Variants in TUT4 observed in about 807,000 individuals in gnomAD.
The protein encoded by TUT4 is terminal uridylyltransferase 4.
In TUT4, 36 loss-of-function variants were observed where a neutral mutation model predicts 192.2. The observed-to-expected ratio is 0.19, with a 90% CI of 0.14 to 0.25. The LOEUF (loss-of-function observed/expected upper bound fraction) is 0.25. Ranked by LOEUF, TUT4 falls within the 10% of genes least tolerant of loss-of-function variation. TUT4 has a pLI of 1.00. For synonymous variants in TUT4, 618 were observed against 666.0 expected, an observed-to-expected ratio of 0.93 and a Z score of 1.11; for missense variants, 1,493 against 1,957.2, an observed-to-expected ratio of 0.76 and a Z score of 4.47.
At chr1:52,456,295 C>T (rs1660910885) in intron 20 of TUT4, among the ~76,000 whole-genome samples, 1 of 150,846 alleles carries the variant, frequency 6.6e-6, no homozygotes, top group Admixed American at 6.6e-5. Context: ...CCCAGCTACT[C>T]AGGAGGCTTA....
chr1:52,433,726 T>C (rs775149525), intron 27 of TUT4: 13 of 152,206 alleles, frequency 8.5e-5, no homozygotes, highest in Non-Finnish European at 1.8e-4. Flanking sequence ...CAAGTGTCTA[T>C]TGACCTCAGG....
intron 9 of TUT4, 76 bp downstream of exon 9, chr1:52,488,833 A>C: frequency 6.9e-7 from 1 of 1,445,352 alleles, no homozygotes; most frequent in South Asian, 1.5e-5. Context: ...TCAGTACAAG[A>C]AAAGGCCTAA....
intron 4 of TUT4, among the ~76,000 whole-genome samples, chr1:52,507,681 C>T (rs974593170): frequency 2.0e-5 from 3 of 152,158 alleles, no homozygotes; most frequent in Admixed American, 1.3e-4. Context: ...AGAACACCAA[C>T]ATGATGCTCA....
chr1:52,511,710 G>A (rs1204421017), intron 3 of TUT4, among the ~76,000 whole-genome samples: 1 of 152,162 alleles, frequency 6.6e-6, no homozygotes, highest in Admixed American at 6.5e-5. Flanking sequence ...CTACAAAAAA[G>A]TTAGCATAAC....
Position 52,488,695 on chromosome 1 carries a change from C to A in TUT4, c.1515+214G>T, listed in dbSNP as rs539284382. On this transcript the variant is annotated intron_variant, in intron 9 of 29. Transcript: ENST00000257177. ...GAATATAGCATGACAATTAAAAATT[C>A]TAAAATATATCCATAAGTGTGTCTA... Among the ~76,000 whole-genome samples the A allele has an allele frequency of 2.0e-5, 3 of 152,218 alleles. No individual in the cohort carries two copies. In the South Asian group the frequency reaches 6.2e-4, roughly 32 times the overall value.
rs533009514 is a variant in TUT4, at chr1:52,516,311, G to A, written c.719-257C>T. 3.9e-5 allele frequency among the ~76,000 whole-genome samples: 6 copies of A among 152,158 alleles called. No homozygotes were observed. In the South Asian group the frequency reaches 8.3e-4, roughly 21 times the overall value. On this transcript the variant is annotated intron_variant, in intron 2 of 29. Transcript: ENST00000257177. The stretch of plus-strand genomic sequence containing the variant: ...TCTATCCATCAAGAGATACATAACT[G>A]AGACTTACATTACACAAAGCTAATT...
chr1:52,455,672 A>G (rs1570477019), intron 20 of TUT4, among the ~76,000 whole-genome samples: 16 of 116,524 alleles, frequency 1.4e-4, no homozygotes, highest in South Asian at 7.0e-4. Flanking sequence ...GGAGGGGGGG[A>G]GAGGGAAGGA....
At chr1:52,478,169 C>T (rs946075423) in intron 11 of TUT4, among the ~76,000 whole-genome samples, 3 of 152,034 alleles carry the variant, frequency 2.0e-5, no homozygotes, top group African/African-American at 7.3e-5. Flanking sequence ...CCACACCAAC[C>T]CCACCTTCTA....
intron 24 of TUT4, among the ~76,000 whole-genome samples, chr1:52,438,570 T>C (rs1019793426): frequency 6.6e-6 from 1 of 152,190 alleles, no homozygotes; most frequent in Non-Finnish European, 1.5e-5. Flanking sequence ...ATGCTACAGA[T>C]GAATAAGAAA....
At chr1:52,454,442 T>A (rs978427680) in intron 20 of TUT4, among the ~76,000 whole-genome samples, 1 of 152,214 alleles carries the variant, frequency 6.6e-6, no homozygotes, top group Admixed American at 6.5e-5. Flanking sequence ...AGTCAACTGA[T>A]CCTTGACAAA....
At chr1:52,520,628 C>A (rs1360329536) in intron 2 of TUT4, among the ~76,000 whole-genome samples, 1 of 152,166 alleles carries the variant, frequency 6.6e-6, no homozygotes, top group African/African-American at 2.4e-5. Context: ...CTCAAATATT[C>A]ACCTGGCTGG....
At position 52,436,796 on chromosome 1, in the gene TUT4, G is replaced by A; in HGVS notation, c.4121C>T (p.Pro1374Leu). The change falls in exon 26 of 30, where the codon CCA becomes CTA. Residue 1374 changes from proline (P) to leucine (L), a missense_variant. Pro to Leu is a moderately conservative substitution (Grantham distance 98, BLOSUM62 -3). This residue lies in a region of TUT4 where 351 missense variants were observed against 397.8 expected (regional missense o/e 0.88). Coordinates refer to ENST00000257177, the MANE Select transcript of TUT4 (RefSeq NM_001009881.3). ...CCTCTGACGGGCCAGCTTGACCTCT[G>A]GGCACTCCCTTCGTACATGTCCAGC... ...GDAGHVRREC[P>L]EVKLARQRNS... The A allele has an allele frequency of 6.2e-7, 1 of 1,613,450 alleles. No homozygotes were observed. Among genetic ancestry groups the A allele is most frequent in the Non-Finnish European group, 8.5e-7 (1 of 1,179,998 alleles).
intron 3 of TUT4, among the ~76,000 whole-genome samples, chr1:52,513,420 A>G (rs1677831412): frequency 6.9e-6 from 1 of 144,390 alleles, no homozygotes; most frequent in South Asian, 2.1e-4. Context: ...AAAAAGTACA[A>G]TGAATTGTAC....
At chr1:52,460,734 T>C (rs1027173470) in intron 19 of TUT4, among the ~76,000 whole-genome samples, 3 of 152,092 alleles carry the variant, frequency 2.0e-5, no homozygotes, top group African/African-American at 7.2e-5. Flanking sequence ...TCATAACAAG[T>C]GTTATAATAG....
intron 1 of TUT4, chr1:52,535,206 G>A (rs1684580736): frequency 6.6e-6 from 1 of 151,654 alleles, no homozygotes; most frequent in African/African-American, 2.4e-5. Flanking sequence ...CATCTTTTCT[G>A]TTCTCTTTCT....
At chr1:52,516,823 G>A (rs2149373681) in intron 2 of TUT4, among the ~76,000 whole-genome samples, 1 of 152,238 alleles carries the variant, frequency 6.6e-6, no homozygotes. Flanking sequence ...ATAATTCCAA[G>A]TTGTAATAAA....
chr1:52,492,394 T>C (rs1164853236), intron 7 of TUT4, among the ~76,000 whole-genome samples: 1 of 152,216 alleles, frequency 6.6e-6, no homozygotes. Flanking sequence ...TTTTGATTCA[T>C]ATAATTTAGG....
intron 27 of TUT4, chr1:52,433,579 TAGAC>T (rs1167769603): frequency 1.3e-5 from 2 of 152,162 alleles, no homozygotes; most frequent in Non-Finnish European, 1.5e-5. Context: ...CAATGTCCAT[TAGAC>T]AGACTCTTTC....
At chr1:52,461,323 A>T in intron 18 of TUT4, 100 bp from the exon 19 acceptor site, 1 of 1,197,066 alleles carries the variant, frequency 8.4e-7, no homozygotes, top group Non-Finnish European at 1.1e-6. Flanking sequence ...AAAATATATA[A>T]ATGTAAAATG....
Sources: gnomAD v4.1 joint callset for allele counts (sites outside exome capture counted in the v4.1 genomes callset) on GRCh38, gnomAD v4.1.1 for gene constraint, gnomAD v4.1.1 regional missense constraint, MANE v1.5 for transcripts, NCBI Gene and HGNC (gene_info 2026-07-23, HGNC 2026-07-21) for gene names.